Variants in ADCY2 observed in about 807,000 individuals in gnomAD.
The protein encoded by ADCY2 is adenylate cyclase type 2.
Under a neutral mutation model 125.2 loss-of-function variants are expected in ADCY2, and 31 were observed. The ratio of observed to expected loss-of-function variants is 0.25; its 90% CI spans 0.19 to 0.33. The LOEUF is 0.33. ADCY2 is among the 10% of genes least tolerant of loss of function. ADCY2 has a pLI of 1.00. For missense variants in ADCY2, 904 were observed against 1,418.2 expected (o/e 0.64, Z 5.82); for synonymous variants, 512 against 548.4 (o/e 0.93, Z 0.93).
chr5:7,479,032 G>GTGTTTGGA (rs1397237418), intron 2 of ADCY2, among the ~76,000 whole-genome samples: 1 of 152,108 alleles, frequency 6.6e-6, no homozygotes, highest in East Asian at 1.9e-4. Context: ...ATTATTGTCA[G>GTGTTTGGA]TGTTTGGATG....
Position 7,743,836 on chromosome 5 carries a change from G to A in ADCY2, c.1956+84G>A, listed in dbSNP as rs866923019. 34 of 1,319,804 alleles carry A rather than the reference G, an allele frequency of 2.6e-5. 1 individual carries two copies. The Middle Eastern group carries it at 6.5e-3, about 253-fold the overall frequency. 81.8% of individuals were successfully genotyped at this position (1,319,804 alleles called of 1,614,324 possible). On this transcript the variant is annotated intron_variant, in intron 15 of 24. Transcript: ENST00000338316. ...TCTTGCCTAAAACTTTCCAAAACAA[G>A]GAGCTTATTGCTTTACCACTTCAAG...
intron 23 of ADCY2, 88 bp from the exon 24 acceptor site, chr5:7,820,477 G>C: frequency 3.3e-6 from 5 of 1,496,144 alleles, no homozygotes; most frequent in Non-Finnish European, 4.5e-6. Context: ...CTGGGTGACA[G>C]AATAAGACCC....
chr5:7,507,341 T>C (rs1233821086), intron 2 of ADCY2, among the ~76,000 whole-genome samples: 1 of 133,910 alleles, frequency 7.5e-6, no homozygotes, highest in Non-Finnish European at 1.6e-5. Flanking sequence ...CTTGGGAGGC[T>C]GAGGCAGGAG....
intron 20 of ADCY2, chr5:7,795,835 G>A (rs1744402373): frequency 6.6e-6 from 1 of 151,860 alleles, no homozygotes. Context: ...TATACTGTAT[G>A]TTTTAAGTAT....
At chr5:7,546,996 A>G (rs968454754) in intron 3 of ADCY2, among the ~76,000 whole-genome samples, 3 of 152,114 alleles carry the variant, frequency 2.0e-5, no homozygotes, top group Non-Finnish European at 1.5e-5. Flanking sequence ...CTTTCTTCCC[A>G]TCATTTTTTA....
At chr5:7,564,990 C>T (rs1035671398) in intron 3 of ADCY2, among the ~76,000 whole-genome samples, 3 of 152,196 alleles carry the variant, frequency 2.0e-5, no homozygotes, top group Non-Finnish European at 2.9e-5. Context: ...AATTGCCTAG[C>T]AGTCATGCAC....
At position 7,724,620 on chromosome 5, in the gene ADCY2, T is replaced by G; in HGVS notation, c.1773+6T>G. 6.4e-7 allele frequency: 1 copy of G among 1,561,744 alleles called. No individual in the cohort carries two copies. ...ACAAAGTACTAGAAAAAGAGGTAAG[T>G]TTTTTTCTTCTTCAAAATCATCAAT... On this transcript the variant is annotated splice_donor_region_variant and intron_variant, in intron 13 of 24. Coordinates refer to ENST00000338316, the MANE Select transcript of ADCY2 (RefSeq NM_020546.3).
chr5:7,827,778 A>T lies in ADCY2; in HGVS notation c.*907A>T, dbSNP rs1745535653. The T allele has an allele frequency of 6.6e-6, 1 of 152,384 alleles. No individual in the cohort carries two copies. Among genetic ancestry groups the T allele is most frequent in the Non-Finnish European group, 1.5e-5 (1 of 68,046 alleles). The allele number at this position is 152,384 out of a possible 1,614,324, so 9.4% of individuals were successfully genotyped here. A position where few individuals can be genotyped will look rare whatever the true frequency, so the allele number is the denominator to read the frequency against. On this transcript the variant is annotated 3_prime_UTR_variant, in exon 25 of 25. Coordinates refer to ENST00000338316, the MANE Select transcript of ADCY2 (RefSeq NM_020546.3). ...CTAGTGGTCTGATTTTAATTTGGGC[A>T]TCTCTAGAGAACGCTTTCAGGGAAA...
At chr5:7,645,143 T>C (rs1343575822) in intron 4 of ADCY2, among the ~76,000 whole-genome samples, 1 of 152,190 alleles carries the variant, frequency 6.6e-6, no homozygotes, top group Non-Finnish European at 1.5e-5. Flanking sequence ...ATAATAACAT[T>C]ACCTGCCTTA....
At chr5:7,823,456 G>C (rs958884295) in intron 24 of ADCY2, among the ~76,000 whole-genome samples, 1 of 152,152 alleles carries the variant, frequency 6.6e-6, no homozygotes, top group Non-Finnish European at 1.5e-5. Context: ...AACAAGAATC[G>C]TGGGGCGTTT....
At chr5:7,739,438 G>A (rs1027518871) in intron 14 of ADCY2, among the ~76,000 whole-genome samples, 1 of 151,800 alleles carries the variant, frequency 6.6e-6, no homozygotes, top group African/African-American at 2.4e-5. Flanking sequence ...GGAATTTGTA[G>A]CTTTAAAATG....
intron 3 of ADCY2, among the ~76,000 whole-genome samples, chr5:7,537,947 C>A (rs1211332244): frequency 1.3e-5 from 2 of 152,128 alleles, no homozygotes; most frequent in South Asian, 4.1e-4. Context: ...CTGGCCAGTG[C>A]CTAGGTGTCA....
intron 12 of ADCY2, among the ~76,000 whole-genome samples, chr5:7,724,110 C>A (rs1349679723): frequency 3.3e-4 from 3 of 9,064 alleles, no homozygotes; most frequent in Non-Finnish European, 8.3e-4. Flanking sequence ...CCTCTAGAAG[C>A]TAACAAAAAA....
intron 4 of ADCY2, among the ~76,000 whole-genome samples, chr5:7,632,048 A>C (rs1040025999): frequency 1.3e-5 from 2 of 152,188 alleles, no homozygotes; most frequent in African/African-American, 4.8e-5. Context: ...GCCAAGCTGG[A>C]CATTAATAGT....
intron 2 of ADCY2, among the ~76,000 whole-genome samples, chr5:7,467,589 GT>G (rs1742171664): frequency 6.6e-6 from 1 of 152,164 alleles, no homozygotes; most frequent in Non-Finnish European, 1.5e-5. Flanking sequence ...CTTTGCCAGT[GT>G]TTCCTGATAA....
At chr5:7,637,599 T>C (rs551690435) in intron 4 of ADCY2, among the ~76,000 whole-genome samples, 3 of 152,262 alleles carry the variant, frequency 2.0e-5, no homozygotes, top group African/African-American at 7.2e-5. Context: ...AAAGGAAAAG[T>C]TATTTTAAAA....
At chr5:7,750,887 AG>A (rs1413826400) in intron 15 of ADCY2, among the ~76,000 whole-genome samples, 1 of 151,632 alleles carries the variant, frequency 6.6e-6, no homozygotes, top group African/African-American at 2.4e-5. Flanking sequence ...AATCCGCTCT[AG>A]GTCTGCAACG....
chr5:7,401,481 A>G lies in ADCY2; in HGVS notation c.210+4975A>G, dbSNP rs554611670. On this transcript the variant is annotated intron_variant, in intron 1 of 24. Transcript: ENST00000338316. ...GCAAGTTTTCTTGTTGAAATTTCTT[A>G]CTGATATGAACAGCCTCAATCTTCA... 2.0e-5 allele frequency among the ~76,000 whole-genome samples: 3 copies of G among 152,276 alleles called. No homozygotes were observed. In the South Asian group the frequency reaches 6.2e-4, roughly 32 times the overall value.
intron 3 of ADCY2, among the ~76,000 whole-genome samples, chr5:7,574,878 A>G (rs1209340067): frequency 6.6e-6 from 1 of 152,242 alleles, no homozygotes; most frequent in Non-Finnish European, 1.5e-5. Flanking sequence ...TAGGTGTCTG[A>G]CACCAGGGAG....
Sources: allele counts gnomAD v4.1 joint callset (sites outside exome capture counted in the v4.1 genomes callset), GRCh38; gene constraint gnomAD v4.1.1; transcripts MANE v1.5; gene names NCBI Gene and HGNC (gene_info 2026-07-23, HGNC 2026-07-21).